Variants in SAMMSON observed in about 807,000 individuals in gnomAD.
SAMMSON encodes the protein long intergenic non-protein coding RNA 1212.
At chr3:70,380,996 A>G (rs570187415) in intron 9 of SAMMSON, among the ~76,000 whole-genome samples, 1 of 152,272 alleles carries the variant, frequency 6.6e-6, no homozygotes, top group Non-Finnish European at 1.5e-5. Flanking sequence ...TTGTGCTGCA[A>G]TAAACATACG....
intron 4 of SAMMSON, among the ~76,000 whole-genome samples, chr3:70,222,158 A>C (rs1215692500): frequency 6.6e-6 from 1 of 152,134 alleles, no homozygotes; most frequent in Non-Finnish European, 1.5e-5. Flanking sequence ...ACACAGGCAA[A>C]GGTATTCTGC....
At chr3:70,407,060 G>T (rs1575642963) in intron 2 of SAMMSON, among the ~76,000 whole-genome samples, 1 of 152,182 alleles carries the variant, frequency 6.6e-6, no homozygotes, top group East Asian at 1.9e-4. Flanking sequence ...AGATGCAAAA[G>T]GGAAAACCCT....
chr3:70,167,679 T>A (rs1462670495), intron 4 of SAMMSON, among the ~76,000 whole-genome samples: 2 of 151,884 alleles, frequency 1.3e-5, no homozygotes, highest in Non-Finnish European at 1.5e-5. Context: ...TCAGCTTTCT[T>A]GCTAGCACAA....
chr3:70,407,670 G>A (rs1221323545), intron 2 of SAMMSON, among the ~76,000 whole-genome samples: 3 of 152,152 alleles, frequency 2.0e-5, no homozygotes, highest in Non-Finnish European at 2.9e-5. Context: ...GTACAGCTTC[G>A]CTCCCAGCTG....
chr3:70,409,950 GT>G, intron 2 of SAMMSON, among the ~76,000 whole-genome samples: 2 of 152,246 alleles, frequency 1.3e-5, no homozygotes, highest in African/African-American at 4.8e-5. Context: ...ATACCCAACA[GT>G]TTTTCAACCC....
At chr3:70,006,076 A>T (rs1382956588) in intron 1 of SAMMSON, among the ~76,000 whole-genome samples, 2 of 152,218 alleles carry the variant, frequency 1.3e-5, no homozygotes, top group African/African-American at 4.8e-5. Context: ...ATAATCAAAC[A>T]TGCCTGAAAG....
intron 2 of SAMMSON, among the ~76,000 whole-genome samples, chr3:70,423,622 G>C (rs1312520323): frequency 6.6e-6 from 1 of 152,080 alleles, no homozygotes; most frequent in Non-Finnish European, 1.5e-5. Flanking sequence ...TGTTCTCCTG[G>C]TTTATTTTTA....
intron 4 of SAMMSON, among the ~76,000 whole-genome samples, chr3:70,214,870 A>G (rs1701390644): frequency 6.6e-6 from 1 of 152,028 alleles, no homozygotes. Flanking sequence ...AGAAATAAAG[A>G]TTATGTTATC....
intron 9 of SAMMSON, among the ~76,000 whole-genome samples, chr3:70,382,801 C>T (rs1054965214): frequency 4.6e-5 from 7 of 151,952 alleles, no homozygotes; most frequent in Admixed American, 3.3e-4. Context: ...CCAATCTTAA[C>T]ATTTTTCATA....
At chr3:70,301,112 A>G (rs1340580112) in intron 7 of SAMMSON, among the ~76,000 whole-genome samples, 1 of 152,114 alleles carries the variant, frequency 6.6e-6, no homozygotes, top group Non-Finnish European at 1.5e-5. Context: ...TGGGTGATAA[A>G]GATTATTTAC....
chr3:70,078,486 C>G (rs2067256612), intron 4 of SAMMSON, among the ~76,000 whole-genome samples: 1 of 152,090 alleles, frequency 6.6e-6, no homozygotes, highest in African/African-American at 2.4e-5. Context: ...ATTAGCTGTT[C>G]TGTAGGCAGC....
intron 4 of SAMMSON, among the ~76,000 whole-genome samples, chr3:70,116,769 C>G (rs2067413431): frequency 6.6e-6 from 1 of 151,944 alleles, no homozygotes; most frequent in African/African-American, 2.4e-5. Flanking sequence ...TTAAAAGGAC[C>G]TTATCAAGGA....
At chr3:70,092,445 C>T (rs896308299) in intron 4 of SAMMSON, among the ~76,000 whole-genome samples, 15 of 14,116 alleles carry the variant, frequency 1.1e-3, no homozygotes, top group African/African-American at 3.6e-3. Flanking sequence ...CAAACTCATG[C>T]TGTTTTTTTT....
Position 70,193,012 on chromosome 3 carries a change from T to TCCTGC in SAMMSON, n.508-56091_508-56087dup, listed in dbSNP as rs1027916074. 2.6e-5 allele frequency among the ~76,000 whole-genome samples: 4 copies of TCCTGC among 152,292 alleles called. No individual in the cohort carries two copies. In the East Asian group the frequency reaches 7.7e-4, roughly 29 times the overall value. On this transcript the variant is annotated intron_variant and non_coding_transcript_variant, in intron 4 of 9. Coordinates refer to ENST00000642114, the Ensembl canonical transcript of SAMMSON. ...TATCCACAAGATTCTAGTAGCAGTCTCCTGCCCTCCATTGTGACATCAATT... is the reference window on the plus strand; with the variant it reads ...TATCCACAAGATTCTAGTAGCAGTCTCCTGCCCTGCCCTCCATTGTGACATCAATT...
At chr3:70,334,832 T>A (rs1442954807) in intron 7 of SAMMSON, among the ~76,000 whole-genome samples, 1 of 152,110 alleles carries the variant, frequency 6.6e-6, no homozygotes, top group African/African-American at 2.4e-5. Flanking sequence ...CTTTAGCTCA[T>A]CTCAATTCCC....
At chr3:70,063,876 T>G (rs1458537660) in intron 3 of SAMMSON, among the ~76,000 whole-genome samples, 1 of 152,114 alleles carries the variant, frequency 6.6e-6, no homozygotes, top group African/African-American at 2.4e-5. Context: ...CTGGCATATC[T>G]TAAGTATCAT....
chr3:70,183,073 T>G (rs1701066582), intron 4 of SAMMSON, among the ~76,000 whole-genome samples: 1 of 152,216 alleles, frequency 6.6e-6, no homozygotes, highest in African/African-American at 2.4e-5. Flanking sequence ...TAACTATTCT[T>G]TGTTGAACAC....
At chr3:70,197,477 C>CTCTG (rs1701193762) in intron 4 of SAMMSON, among the ~76,000 whole-genome samples, 1 of 152,190 alleles carries the variant, frequency 6.6e-6, no homozygotes, top group African/African-American at 2.4e-5. Context: ...GCCTGCAAGG[C>CTCTG]TCTGGGAAGC....
intron 6 of SAMMSON, among the ~76,000 whole-genome samples, chr3:70,281,876 C>T (rs557802397): frequency 1.1e-4 from 16 of 152,116 alleles, no homozygotes; most frequent in Admixed American, 3.9e-4. Flanking sequence ...TTCATCATAC[C>T]TTGGGTGAGG....
Sources: gnomAD v4.1 joint callset for allele counts (sites outside exome capture counted in the v4.1 genomes callset) on GRCh38, gnomAD v4.1.1 for gene constraint, MANE v1.5 for transcripts, NCBI Gene and HGNC (gene_info 2026-07-23, HGNC 2026-07-21) for gene names.